Variants in ANK1 observed in about 807,000 individuals in gnomAD.
ANK1 encodes ankyrin-1.
ANK1 carries 51 observed loss-of-function variants against 210.4 expected under a neutral mutation model. That is an observed-to-expected ratio of 0.24 (90% CI 0.19 to 0.31). ANK1 has a LOEUF of 0.31. ANK1 is among the 10% of genes least tolerant of loss of function. The pLI is 1.00. For missense variants in ANK1, 2,051 were observed against 2,504.4 expected (o/e 0.82, Z 3.86); for synonymous variants, 967 against 1,025.9 (o/e 0.94, Z 1.10).
intron 1 of ANK1, among the ~76,000 whole-genome samples, chr8:41,823,388 T>C (rs1804810052): frequency 6.6e-6 from 1 of 152,196 alleles, no homozygotes; most frequent in African/African-American, 2.4e-5. Context: ...TGAAGTAATC[T>C]TTATATTAGA....
intron 1 of ANK1, among the ~76,000 whole-genome samples, chr8:41,833,972 T>C (rs1186829985): frequency 6.6e-6 from 1 of 152,158 alleles, no homozygotes; most frequent in Non-Finnish European, 1.5e-5. Context: ...CAGAGGGCCC[T>C]GCGTGGATAA....
chr8:41,681,673 C>T (rs1212432459), intron 37 of ANK1, among the ~76,000 whole-genome samples: 1 of 149,392 alleles, frequency 6.7e-6, no homozygotes, highest in East Asian at 1.9e-4. Context: ...GGTTGGGCAC[C>T]AGGTCAGGCC....
At chr8:41,839,930 A>C (rs1348740374) in intron 1 of ANK1, 1 of 152,190 alleles carries the variant, frequency 6.6e-6, no homozygotes, top group Non-Finnish European at 1.5e-5. Context: ...AATGAAGCAT[A>C]CTCATGGAAG....
At chr8:41,656,775 G>A (rs1284508447) in intron 42 of ANK1, among the ~76,000 whole-genome samples, 1 of 152,200 alleles carries the variant, frequency 6.6e-6, no homozygotes, top group Non-Finnish European at 1.5e-5. Context: ...AGGTGAAGGG[G>A]TTGGGGAGGA....
Position 41,694,105 on chromosome 8 carries a change from G to A in ANK1, c.3328-3C>T, listed in dbSNP as rs772206110. On this transcript the variant is annotated splice_polypyrimidine_tract_variant and splice_region_variant and intron_variant, in intron 28 of 42. Transcript: ENST00000289734. The surrounding 1 kb of genome is among the most constrained non-coding windows in gnomAD (Gnocchi z 5.7). ...AGCTCATCCGGGACAGGCTGGGCCT[G>A]TGAAATGACAGAGGCAGGACACTCA... is the stretch of plus-strand genomic sequence containing the variant. 8 of 1,613,318 alleles carry A rather than the reference G, an allele frequency of 5.0e-6. No individual in the cohort carries two copies. In the Admixed American group the frequency reaches 5.0e-5, roughly 10 times the overall value.
At chr8:41,711,556 G>A (rs1321642852) in intron 16 of ANK1, among the ~76,000 whole-genome samples, 2 of 152,230 alleles carry the variant, frequency 1.3e-5, no homozygotes, top group East Asian at 3.8e-4. Context: ...CTCGGCCCAG[G>A]ACCCTGGTGA....
chr8:41,721,668 A>T (rs1283790383), intron 9 of ANK1, among the ~76,000 whole-genome samples: 1 of 35,304 alleles, frequency 2.8e-5, no homozygotes, highest in African/African-American at 8.4e-5. Flanking sequence ...AAAAAAAAAA[A>T]AAAAAAAAAA....
At position 41,668,344 on chromosome 8, in the gene ANK1, C is replaced by G. The variant is rs376971961; in HGVS notation, c.5317G>C (p.Ala1773Pro). The G allele has an allele frequency of 1.9e-6, 3 of 1,614,106 alleles. No homozygotes were observed. Among genetic ancestry groups the G allele is most frequent in the Non-Finnish European group, 2.5e-6 (3 of 1,180,052 alleles). The change falls in exon 39 of 43, where the codon GCC becomes CCC. Residue 1773 changes from alanine (A) to proline (P), a missense_variant. Around this residue, in one of 6 missense-constraint regions of ANK1, gnomAD observed 496 missense variants for 533.4 expected, o/e 0.93. Transcript: ENST00000289734. ...TEQPEAESSQADRDRRQQGQE... is the reference protein window; with the variant it reads ...TEQPEAESSQPDRDRRQQGQE... ...CCTTGCTGCCTCCGGTCCCTGTCGG[C>G]CTGGGAGCTCTCAGCCTCGGGCTGT...
rs1379697247 is a variant in ANK1, at chr8:41,653,796, G to T, written c.*1994C>A. On this transcript the variant is annotated 3_prime_UTR_variant, in exon 43 of 43. Coordinates refer to ENST00000289734, the MANE Select transcript of ANK1 (RefSeq NM_000037.4). The stretch of plus-strand genomic sequence containing the variant: ...GCGGAGACGGCAGCCGTCCGGGCTC[G>T]CCCTGCAGCTCCTCCGACGCAGCCT... The T allele has an allele frequency of 6.6e-6, 1 of 152,200 alleles. No homozygotes were observed. The highest frequency in any genetic ancestry group is 1.5e-5 in the Non-Finnish European group (1 of 68,056). The allele number at this position is 152,200 out of a possible 1,614,324, so 9.4% of individuals were successfully genotyped here. A position where few individuals can be genotyped will look rare whatever the true frequency, so the allele number is the denominator to read the frequency against.
rs376414673 is a variant in ANK1 at position 41,719,863 on chromosome 8, G to T, written c.910-5C>A. 2 of 1,614,074 alleles carry T rather than the reference G, an allele frequency of 1.2e-6. No homozygotes were observed. The highest frequency in any genetic ancestry group is 2.7e-5 in the African/African-American group (2 of 74,918). ...GTGAATTGGGGACAGGCCGTTCTGG[G>T]TAAAGAGGAAAACACAAGCAATCAC... On this transcript the variant is annotated splice_region_variant and splice_polypyrimidine_tract_variant and intron_variant, in intron 9 of 42. Coordinates refer to ENST00000289734, the MANE Select transcript of ANK1 (RefSeq NM_000037.4).
At chr8:41,824,972 G>A (rs1177210635) in intron 1 of ANK1, among the ~76,000 whole-genome samples, 1 of 152,180 alleles carries the variant, frequency 6.6e-6, no homozygotes, top group African/African-American at 2.4e-5. Context: ...GCCTTCCACT[G>A]GTCTCAAGTG....
intron 1 of ANK1, among the ~76,000 whole-genome samples, chr8:41,769,670 T>G (rs1250584313): frequency 2.0e-5 from 3 of 152,218 alleles, no homozygotes; most frequent in African/African-American, 7.2e-5. Context: ...AATGTACAAT[T>G]TGCTAAGTTT....
chr8:41,751,213 A>T (rs1837628059), intron 2 of ANK1, among the ~76,000 whole-genome samples: 1 of 152,384 alleles, frequency 6.6e-6, no homozygotes, highest in East Asian at 1.9e-4. Flanking sequence ...GAAACTGAGC[A>T]TGTGAAGCTA....
chr8:41,724,533 T>C lies in ANK1; in HGVS notation c.634A>G (p.Ile212Val), dbSNP rs563148165. Residue 212 changes from isoleucine (I) to valine (V), a missense_variant, in exon 7 of 43, where the codon ATT becomes GTT. Physicochemically the swap from Ile to Val is conservative, Grantham distance 29. Around this residue, in one of 6 missense-constraint regions of ANK1, gnomAD observed 1,413 missense variants for 1,707.4 expected, o/e 0.83. Transcript: ENST00000289734. Reference protein sequence around the residue: ...LSKTGFTPLHIAAHYENLNVA... With the variant: ...LSKTGFTPLHVAAHYENLNVA... ...TTGAGGTTCTCGTAGTGAGCCGCAA[T>C]GTGCAGGGGCGTGAATCCCGTCTGG... 1.6e-5 allele frequency: 25 copies of C among 1,598,706 alleles called. No individual in the cohort carries two copies. Among genetic ancestry groups the C allele is most frequent in the Middle Eastern group, 1.7e-4 (1 of 5,950 alleles).
rs73623048 is a variant in ANK1 at position 41,804,810 on chromosome 8, C to T, written c.127-46673G>A. On this transcript the variant is annotated intron_variant, in intron 1 of 42. Transcript: ENST00000265709. ...AGAGTGCTGCGAAATTCCCACATTC[C>T]GGCAAAACACGGTGAAAACAGAGAA... 8.1e-3 allele frequency among the ~76,000 whole-genome samples: 1,229 copies of T among 152,134 alleles called. 21 individuals are homozygous for T. Among genetic ancestry groups the T allele is most frequent in the African/African-American group, 0.028 (1,166 of 41,482 alleles).
intron 1 of ANK1, among the ~76,000 whole-genome samples, chr8:41,851,733 T>C (rs1238454426): frequency 1.3e-5 from 2 of 152,322 alleles, no homozygotes; most frequent in Non-Finnish European, 2.9e-5. Flanking sequence ...GGCATGCACC[T>C]GTAGTCCCAG....
At chr8:41,842,335 T>C (rs1485245144) in intron 1 of ANK1, among the ~76,000 whole-genome samples, 1 of 151,842 alleles carries the variant, frequency 6.6e-6, no homozygotes, top group Non-Finnish European at 1.5e-5. Flanking sequence ...CTACTAAAAA[T>C]ACAAAAAATT....
intron 1 of ANK1, among the ~76,000 whole-genome samples, chr8:41,827,790 C>T (rs934701932): frequency 2.6e-5 from 4 of 151,548 alleles, no homozygotes; most frequent in Non-Finnish European, 5.9e-5. Context: ...CACGCCCACA[C>T]ACATGCACAC....
chr8:41,896,017 G>A (rs1820445507), intron 1 of ANK1, among the ~76,000 whole-genome samples: 2 of 152,192 alleles, frequency 1.3e-5, no homozygotes, highest in Non-Finnish European at 2.9e-5. Flanking sequence ...GCAGCCGGCA[G>A]CCAAGGCCGG....
Sources: gnomAD v4.1 joint callset for allele counts (sites outside exome capture counted in the v4.1 genomes callset) on GRCh38, gnomAD v4.1.1 for gene constraint, gnomAD v4.1.1 regional missense constraint, Gnocchi (gnomAD v3.1) non-coding constraint, MANE v1.5 for transcripts, NCBI Gene and HGNC (gene_info 2026-07-23, HGNC 2026-07-21) for gene names.